The following MDM4 variants were observed in gnomAD, a reference collection of about 807,000 sequenced individuals.
MDM4 encodes MDM4 regulator of p53, also known as protein Mdm4.
In MDM4, 2 loss-of-function variants were observed where a neutral mutation model predicts 60.2. The ratio of observed to expected loss-of-function variants is 0.03; its 90% CI spans 0.01 to 0.10. MDM4 has a LOEUF of 0.10. Ranked by LOEUF, MDM4 falls within the 10% of genes least tolerant of loss-of-function variation. The pLI is 1.00. For synonymous variants in MDM4, 202 were observed against 198.1 expected (o/e 1.02, Z -0.17); for missense variants, 447 against 577.5 (o/e 0.77, Z 2.32).
rs573980569 is a variant in MDM4 at position 204,538,186 on chromosome 1, T to A, written c.412-23T>A. 5.9e-6 allele frequency: 8 copies of A among 1,361,956 alleles called. No individual in the cohort carries two copies. The South Asian group carries it at 9.4e-5, about 16-fold the overall frequency. The allele number at this position is 1,361,956 out of a possible 1,614,324, so 84.4% of individuals were successfully genotyped here. The stretch of plus-strand genomic sequence containing the variant: ...GTCTCAGTTATTTCTACTGCACTGA[T>A]GGACACCTTTCCCTTCTTTCAGCAA... On this transcript the variant is annotated intron_variant, in intron 6 of 10. Transcript: ENST00000367182.
intron 3 of MDM4, 107 bp from the exon 4 acceptor site, chr1:204,530,577 T>G: frequency 4.2e-6 from 6 of 1,431,688 alleles, no homozygotes; most frequent in Non-Finnish European, 5.8e-6. Context: ...GTCTTGTAAA[T>G]ATGTTATTTC....
intron 7 of MDM4, 39 bp from the exon 8 acceptor site, chr1:204,542,744 AT>A: frequency 6.8e-7 from 1 of 1,466,702 alleles, no homozygotes; most frequent in Non-Finnish European, 9.4e-7. Flanking sequence ...GTTATTACGT[AT>A]TGTGCATAGT....
chr1:204,537,370 T>C, intron 5 of MDM4, 60 bp from the exon 6 acceptor site: 1 of 1,362,130 alleles, frequency 7.3e-7, no homozygotes, highest in South Asian at 1.2e-5. Flanking sequence ...AGGTCCTTTT[T>C]GTGTGGAAAG....
intron 7 of MDM4, among the ~76,000 whole-genome samples, chr1:204,539,515 TG>T (rs1437869530): frequency 1.3e-5 from 2 of 150,670 alleles, no homozygotes; most frequent in South Asian, 2.1e-4. Context: ...TCTGAAAACT[TG>T]TTTTTTTTTT....
chr1:204,526,448 T>A lies in MDM4; in HGVS notation c.153+14T>A, dbSNP rs768716595. 14 of 1,537,530 alleles carry A rather than the reference T, an allele frequency of 9.1e-6. No individual in the cohort carries two copies. In the East Asian group the frequency reaches 2.9e-4, roughly 32 times the overall value. On this transcript the variant is annotated intron_variant, in intron 3 of 10. Transcript: ENST00000367182. ...ACTGTTAAAGAGGTAAGCCATCAAA[T>A]AAAATTCTCATTTTTTTTGTTTTTT...
intron 7 of MDM4, among the ~76,000 whole-genome samples, chr1:204,539,528 T>G (rs1262262394): frequency 1.4e-5 from 2 of 145,266 alleles, no homozygotes; most frequent in Admixed American, 6.9e-5. Flanking sequence ...TTTTTTTTTT[T>G]GTTTTGTTTT....
At chr1:204,539,232 C>A (rs568224140) in intron 7 of MDM4, among the ~76,000 whole-genome samples, 1 of 151,818 alleles carries the variant, frequency 6.6e-6, no homozygotes, top group South Asian at 2.1e-4. Context: ...ATGGTCTACC[C>A]GCCTCAGCCT....
In MDM4 at chr1:204,555,343, C is replaced by T. The variant is rs533930558; in HGVS notation, c.*5661C>T. The stretch of plus-strand genomic sequence containing the variant: ...CTAATTTTTGTATTTTTATTGGAGA[C>T]GGGGTTTCACCGTCTTAGCCAGGAT... On this transcript the variant is annotated 3_prime_UTR_variant, in exon 11 of 11. Transcript: ENST00000367182. 1.2e-4 allele frequency: 19 copies of T among 162,086 alleles called. No individual in the cohort carries two copies. The South Asian group carries it at 2.5e-3, about 21-fold the overall frequency. 10.0% of individuals were successfully genotyped at this position (162,086 alleles called of 1,614,324 possible).
intron 5 of MDM4, among the ~76,000 whole-genome samples, chr1:204,534,627 A>G (rs937551528): frequency 2.6e-5 from 4 of 152,020 alleles, no homozygotes; most frequent in Admixed American, 6.5e-5. Flanking sequence ...AGCTGGGACT[A>G]CAGGAGTATG....
intron 5 of MDM4, among the ~76,000 whole-genome samples, chr1:204,535,249 C>A (rs557880754): frequency 6.6e-6 from 1 of 151,500 alleles, no homozygotes; most frequent in African/African-American, 2.4e-5. Context: ...CCTCCACCTC[C>A]CGGGTTCACG....
chr1:204,527,976 C>T (rs1369093641), intron 3 of MDM4, among the ~76,000 whole-genome samples: 6 of 151,118 alleles, frequency 4.0e-5, no homozygotes, highest in Admixed American at 1.3e-4. Context: ...TTTTAGAATA[C>T]CTATATTACT....
chr1:204,540,673 T>G (rs1220894650), intron 7 of MDM4, among the ~76,000 whole-genome samples: 6 of 150,698 alleles, frequency 4.0e-5, no homozygotes, highest in Non-Finnish European at 7.4e-5. Context: ...TGAGGCAGGA[T>G]AATTGCTTGA....
intron 3 of MDM4, 131 bp downstream of exon 3, chr1:204,526,565 G>A (rs1203380880): frequency 2.4e-5 from 15 of 628,080 alleles, no homozygotes; most frequent in Non-Finnish European, 3.3e-5. Flanking sequence ...CTGGGTTCAC[G>A]CCATTCTCCT....
intron 1 of MDM4, among the ~76,000 whole-genome samples, chr1:204,524,445 G>C (rs947042916): frequency 6.6e-6 from 1 of 152,134 alleles, no homozygotes; most frequent in Non-Finnish European, 1.5e-5. Flanking sequence ...CCTTTTGTTA[G>C]AAAAAGGCAT....
At chr1:204,537,749 T>G in intron 6 of MDM4, 2 of 598,060 alleles carry the variant, frequency 3.3e-6, no homozygotes, top group South Asian at 2.0e-5. Context: ...TTCTTTGGGT[T>G]TGTGTGTACC....
chr1:204,554,841 G>A lies in MDM4; in HGVS notation c.*5159G>A, dbSNP rs1319178012. On this transcript the variant is annotated 3_prime_UTR_variant, in exon 11 of 11. Coordinates refer to ENST00000367182, the MANE Select transcript of MDM4 (RefSeq NM_002393.5). ...GGATTTCTTTCCTTTTGTGGGAAATGTCCCATTAGCATTTTCAGATCTTTT... is the reference window on the plus strand; with the variant it reads ...GGATTTCTTTCCTTTTGTGGGAAATATCCCATTAGCATTTTCAGATCTTTT... 1 of 224,768 alleles carries A rather than the reference G, an allele frequency of 4.4e-6. No homozygotes were observed. The highest frequency in any genetic ancestry group is 8.9e-6 in the Non-Finnish European group (1 of 112,930). 13.9% of individuals were successfully genotyped at this position (224,768 alleles called of 1,614,324 possible). A position where few individuals can be genotyped will look rare whatever the true frequency, so the allele number is the denominator to read the frequency against.
At chr1:204,519,270 A>G (rs985426513) in intron 1 of MDM4, among the ~76,000 whole-genome samples, 3 of 152,166 alleles carry the variant, frequency 2.0e-5, no homozygotes, top group Non-Finnish European at 4.4e-5. Context: ...AGGCTGGGCC[A>G]AGGTGGGCGG....
At chr1:204,535,836 C>T (rs894114905) in intron 5 of MDM4, among the ~76,000 whole-genome samples, 21 of 152,112 alleles carry the variant, frequency 1.4e-4, no homozygotes, top group South Asian at 2.1e-4. Flanking sequence ...CCACCACACC[C>T]GGCTAATTTT....
chr1:204,525,249 C>A, intron 1 of MDM4: 2 of 808,304 alleles, frequency 2.5e-6, no homozygotes, highest in South Asian at 5.6e-5. Flanking sequence ...GAAACTGTTA[C>A]TGTTTCAGCC....
Sources: allele counts gnomAD v4.1 joint callset (sites outside exome capture counted in the v4.1 genomes callset), GRCh38; gene constraint gnomAD v4.1.1; transcripts MANE v1.5; gene names NCBI Gene and HGNC (gene_info 2026-07-23, HGNC 2026-07-21).